OPHN1: variants seen among roughly 807,000 people sequenced by gnomAD.
OPHN1 encodes oligophrenin 1, also known as oligophrenin-1.
OPHN1 carries 11 observed loss-of-function variants against 60.7 expected under a neutral mutation model. The observed-to-expected ratio is 0.18, with a 90% confidence interval of 0.11 to 0.30. The LOEUF is 0.30. Among genes scored for constraint, OPHN1 ranks in the 10% least tolerant of loss-of-function variants. The pLI is 1.00. For missense variants in OPHN1, 449 were observed against 611.0 expected (o/e 0.73, Z 2.80); for synonymous variants, 226 against 222.6 (o/e 1.02, Z -0.14).
intron 5 of OPHN1, among the ~76,000 whole-genome samples, chrX:68,260,503 G>A (rs888633340): frequency 1.8e-5 from 2 of 110,779 alleles, no homozygotes; most frequent in Non-Finnish European, 3.8e-5. Flanking sequence ...AGTCCCTGGA[G>A]TAACAAAAAT....
chrX:68,333,478 A>C (rs1269633291), intron 2 of OPHN1, among the ~76,000 whole-genome samples: 1 of 110,114 alleles, frequency 9.1e-6, no homozygotes, highest in East Asian at 2.9e-4. Flanking sequence ...TCTACTAAAA[A>C]TACAGAATTA....
intron 2 of OPHN1, among the ~76,000 whole-genome samples, chrX:68,343,292 G>A (rs2078363368): frequency 1.9e-5 from 2 of 103,667 alleles, no homozygotes; most frequent in Admixed American, 2.1e-4. Flanking sequence ...AAAAGCGGGG[G>A]GGGAGGGGCG....
At chrX:68,208,282 G>C (rs2077569237) in intron 9 of OPHN1, among the ~76,000 whole-genome samples, 1 of 109,855 alleles carries the variant, frequency 9.1e-6, no homozygotes, top group Non-Finnish European at 1.9e-5. Flanking sequence ...GTAGAGACGG[G>C]GTTTCACCAT....
chrX:68,176,382 T>C (rs1048129913), intron 15 of OPHN1, among the ~76,000 whole-genome samples: 2 of 111,602 alleles, frequency 1.8e-5, no homozygotes, highest in African/African-American at 3.3e-5. Flanking sequence ...AGAATTTGAA[T>C]AGACATTCCT....
chrX:68,384,036 T>C lies in OPHN1; in HGVS notation c.154+48831A>G, dbSNP rs141688568. ...GGGGGAGGGGTGACTGAAGAAAAAA[T>C]AAAGAAGCTGGTGATTATACTTGAT... On this transcript the variant is annotated intron_variant, in intron 2 of 24. Transcript: ENST00000355520. 4.8e-3 allele frequency among the ~76,000 whole-genome samples: 529 copies of C among 111,102 alleles called. 3 individuals are homozygous for C. Among genetic ancestry groups the C allele is most frequent in the African/African-American group, 0.017 (515 of 30,589 alleles).
At chrX:68,058,535 G>A (rs757935258) in intron 21 of OPHN1, among the ~76,000 whole-genome samples, 2 of 111,270 alleles carry the variant, frequency 1.8e-5, no homozygotes, top group Admixed American at 9.6e-5. Flanking sequence ...GTTTGGCATG[G>A]TAGGGACAGG....
At chrX:68,095,298 G>C (rs761031080) in intron 19 of OPHN1, among the ~76,000 whole-genome samples, 1 of 111,469 alleles carries the variant, frequency 9.0e-6, no homozygotes, top group African/African-American at 3.3e-5. Flanking sequence ...CCACAGGCCT[G>C]TTTCCCATTT....
chrX:68,077,671 A>T (rs993066461), intron 19 of OPHN1, among the ~76,000 whole-genome samples: 6 of 112,306 alleles, frequency 5.3e-5, no homozygotes, highest in African/African-American at 1.6e-4. Context: ...ATACACATTA[A>T]ATTGTTAACA....
intron 2 of OPHN1, among the ~76,000 whole-genome samples, chrX:68,420,021 C>T (rs1211123998): frequency 9.0e-6 from 1 of 111,356 alleles, no homozygotes; most frequent in Non-Finnish European, 1.9e-5. Flanking sequence ...CCTCAGCAGC[C>T]TTCACAGAAT....
At position 68,212,907 on chromosome X, in the gene OPHN1, T is replaced by G. The variant is rs781670227; in HGVS notation, c.598-695A>C. 5.3e-5 allele frequency among the ~76,000 whole-genome samples: 6 copies of G among 112,464 alleles called. No homozygotes were observed. The East Asian group carries it at 8.4e-4, about 16-fold the overall frequency. ...GAATGAATGAAAGTAAATAGATAAATGAATAAAGCAAGATTTTCTACCTAA... is the reference window on the plus strand; with the variant it reads ...GAATGAATGAAAGTAAATAGATAAAGGAATAAAGCAAGATTTTCTACCTAA... On this transcript the variant is annotated intron_variant, in intron 7 of 24. Coordinates refer to ENST00000355520, the MANE Select transcript of OPHN1 (RefSeq NM_002547.3).
At position 68,144,500 on chromosome X, in the gene OPHN1, T is replaced by C. The variant is rs747879535; in HGVS notation, c.1277-25168A>G. ...TTTCAGTTGAGAAAAGGAACCATAG[T>C]TGGAATTTAGACATTAACGTTTATG... On this transcript the variant is annotated intron_variant, in intron 15 of 24. Coordinates refer to ENST00000355520, the MANE Select transcript of OPHN1 (RefSeq NM_002547.3). Among the ~76,000 whole-genome samples the C allele has an allele frequency of 1.9e-4, 21 of 111,730 alleles. No homozygotes were observed. The East Asian group carries it at 5.3e-3, about 28-fold the overall frequency.
intron 3 of OPHN1, among the ~76,000 whole-genome samples, chrX:68,298,388 T>C (rs1277151742): frequency 1.8e-5 from 2 of 111,996 alleles, no homozygotes; most frequent in Non-Finnish European, 3.8e-5. Flanking sequence ...CCTCTCCTCT[T>C]TACCTTCATA....
rs1188011531 is a variant in OPHN1 at position 68,425,812 on chromosome X, C to CTTTTTT, written c.154+7049_154+7054dup. 1.7e-3 allele frequency among the ~76,000 whole-genome samples: 64 copies of CTTTTTT among 38,648 alleles called. 19 individuals carry two copies. The highest frequency in any genetic ancestry group is 1.8e-3 in the Non-Finnish European group (46 of 25,340). The allele number at this position is 38,648 out of a possible 115,157, so 33.6% of individuals were successfully genotyped here. ...TGAGCCAATGCACCTGGACTGGATTCTTTTTTTTTTTTTTTTTTTTTTTTT... is the reference window on the plus strand; with the variant it reads ...TGAGCCAATGCACCTGGACTGGATTCTTTTTTTTTTTTTTTTTTTTTTTTTTTTTTT... On this transcript the variant is annotated intron_variant, in intron 2 of 24. Transcript: ENST00000355520.
At chrX:68,246,159 A>T (rs2077804799) in intron 5 of OPHN1, among the ~76,000 whole-genome samples, 1 of 111,398 alleles carries the variant, frequency 9.0e-6, no homozygotes, top group Non-Finnish European at 1.9e-5. Context: ...CCACTGAACT[A>T]AGCACCTTGC....
intron 2 of OPHN1, among the ~76,000 whole-genome samples, chrX:68,331,784 C>CCAGCA (rs1183823903): frequency 3.7e-5 from 4 of 107,914 alleles, no homozygotes; most frequent in Non-Finnish European, 7.7e-5. Context: ...GCCTGTAATC[C>CCAGCA]CAGCACTTTG....
At chrX:68,047,503 T>C (rs1362015617) in intron 24 of OPHN1, among the ~76,000 whole-genome samples, 1 of 111,702 alleles carries the variant, frequency 9.0e-6, no homozygotes, top group African/African-American at 3.3e-5. Context: ...ATAAACTTCC[T>C]TTTAACAGGG....
At chrX:68,095,017 A>C (rs974858934) in intron 19 of OPHN1, among the ~76,000 whole-genome samples, 3 of 111,258 alleles carry the variant, frequency 2.7e-5, no homozygotes, top group African/African-American at 9.8e-5. Context: ...ATCTGTATTT[A>C]AAATTGCAAA....
intron 2 of OPHN1, among the ~76,000 whole-genome samples, chrX:68,369,459 G>A (rs1044684089): frequency 1.8e-5 from 2 of 111,339 alleles, no homozygotes; most frequent in African/African-American, 6.5e-5. Flanking sequence ...GACAAACAAA[G>A]AAACAGGAAA....
intron 2 of OPHN1, among the ~76,000 whole-genome samples, chrX:68,334,841 T>TGGTGCATGCC (rs1160134208): frequency 3.7e-5 from 4 of 109,286 alleles, no homozygotes; most frequent in Admixed American, 9.9e-5. Context: ...CCAGGCATGG[T>TGGTGCATGCC]GGTGCATGCC....
Sources: allele counts gnomAD v4.1 joint callset (sites outside exome capture counted in the v4.1 genomes callset), GRCh38; gene constraint gnomAD v4.1.1; transcripts MANE v1.5; gene names NCBI Gene and HGNC (gene_info 2026-07-23, HGNC 2026-07-21).